DPP10: variants seen among roughly 807,000 people sequenced by gnomAD.
The protein encoded by DPP10 is inactive dipeptidyl peptidase 10.
DPP10 carries 33 observed loss-of-function variants against 120.9 expected under a neutral mutation model. The ratio of observed to expected loss-of-function variants is 0.27; its 90% CI spans 0.21 to 0.37. The LOEUF (loss-of-function observed/expected upper bound fraction) is 0.37. Ranked by LOEUF, DPP10 falls within the 10% of genes least tolerant of loss-of-function variation. The pLI, the probability that DPP10 is intolerant of heterozygous loss-of-function variation, is 1.00. For synonymous variants in DPP10, 337 were observed against 326.1 expected, an observed-to-expected ratio of 1.03 and a Z score of -0.36; for missense variants, 816 against 942.8, an observed-to-expected ratio of 0.87 and a Z score of 1.76.
rs183196400 is a variant in DPP10, at chr2:115,059,614, G to A, written c.61-249625G>A. 3.9e-3 allele frequency among the ~76,000 whole-genome samples: 544 copies of A among 140,066 alleles called. 5 individuals carry two copies. Among genetic ancestry groups the A allele is most frequent in the African/African-American group, 0.014 (522 of 37,138 alleles). 91.9% of individuals were successfully genotyped at this position (140,066 alleles called of 152,430 possible). A position where few individuals can be genotyped will look rare whatever the true frequency, so the allele number is the denominator to read the frequency against. On this transcript the variant is annotated intron_variant, in intron 1 of 25. Transcript: ENST00000410059. ...TTCAGAATTAACCTCAGTTTTTATT[G>A]AGAAAACCAGAATAGATTCTATTTC... is the stretch of plus-strand genomic sequence containing the variant.
chr2:115,832,609 A>T (rs1689045576), intron 21 of DPP10, among the ~76,000 whole-genome samples: 1 of 152,232 alleles, frequency 6.6e-6, no homozygotes, highest in Non-Finnish European at 1.5e-5. Flanking sequence ...AGCTTTTATT[A>T]TCATAAAGAC....
chr2:115,552,622 T>C (rs2079944377), intron 5 of DPP10, among the ~76,000 whole-genome samples: 1 of 152,134 alleles, frequency 6.6e-6, no homozygotes, highest in African/African-American at 2.4e-5. Context: ...TAGGATGTGA[T>C]AAAACAGGGG....
chr2:115,443,211 C>T (rs780408517), intron 3 of DPP10, among the ~76,000 whole-genome samples: 6 of 152,110 alleles, frequency 3.9e-5, no homozygotes, highest in Admixed American at 2.0e-4. Flanking sequence ...AAGCTTACCA[C>T]GATTTGAGCA....
At chr2:115,184,509 G>T (rs7572788) in intron 1 of DPP10, among the ~76,000 whole-genome samples, 58,809 of 152,052 alleles carry the variant, frequency 0.39, 12,423 homozygotes, top group Non-Finnish European at 0.48. Context: ...AGTCACATTC[G>T]CTTTGAAGGC....
At chr2:114,562,522 C>A (rs141780728) in intron 1 of DPP10, among the ~76,000 whole-genome samples, 3 of 152,124 alleles carry the variant, frequency 2.0e-5, no homozygotes, top group Admixed American at 2.0e-4. Flanking sequence ...AAAGTAGATG[C>A]AATTCAAGTA....
At chr2:115,134,229 T>C (rs2050530813) in intron 1 of DPP10, among the ~76,000 whole-genome samples, 1 of 152,190 alleles carries the variant, frequency 6.6e-6, no homozygotes, top group Non-Finnish European at 1.5e-5. Flanking sequence ...GAAGAAACAA[T>C]TGATTCACTC....
At chr2:114,460,169 A>ATATCTATC (rs10686701) in intron 1 of DPP10, among the ~76,000 whole-genome samples, 482 of 148,512 alleles carry the variant, frequency 3.2e-3, no homozygotes, top group Middle Eastern at 6.9e-3. Context: ...ATTTGGGATG[A>ATATCTATC]TATCTATCTA....
At chr2:115,808,115 C>T (rs1053511334) in intron 19 of DPP10, among the ~76,000 whole-genome samples, 1 of 152,256 alleles carries the variant, frequency 6.6e-6, no homozygotes, top group African/African-American at 2.4e-5. Flanking sequence ...GTGCCAGACA[C>T]GTGTTCGAGA....
At chr2:115,625,572 A>G (rs1351240232) in intron 5 of DPP10, among the ~76,000 whole-genome samples, 1 of 152,160 alleles carries the variant, frequency 6.6e-6, no homozygotes, top group Non-Finnish European at 1.5e-5. Context: ...GGATTAAGAC[A>G]TTAAGAATAG....
At chr2:115,400,645 G>C (rs1361726390) in intron 3 of DPP10, among the ~76,000 whole-genome samples, 1 of 152,134 alleles carries the variant, frequency 6.6e-6, no homozygotes, top group Non-Finnish European at 1.5e-5. Context: ...TTGAACCCTA[G>C]TAACTCAGGG....
chr2:114,913,225 C>T (rs1384444428), intron 1 of DPP10, among the ~76,000 whole-genome samples: 2 of 152,194 alleles, frequency 1.3e-5, no homozygotes, highest in Admixed American at 6.5e-5. Flanking sequence ...CATGCACAGC[C>T]TTCCCCCATC....
Position 114,469,314 on chromosome 2 carries a change from T to C in DPP10, c.60+26476T>C, listed in dbSNP as rs1252794516. ...AAATGTTGAGAATACTAAGTACTTA[T>C]TAAACAAGAGAGGATTTGTTCTCAA... On this transcript the variant is annotated intron_variant, in intron 1 of 25. Transcript: ENST00000410059. Among the ~76,000 whole-genome samples the C allele has an allele frequency of 3.9e-5, 6 of 152,254 alleles. No homozygotes were observed. The South Asian group carries it at 8.3e-4, about 21-fold the overall frequency.
chr2:115,353,902 G>A (rs1246997307), intron 3 of DPP10, among the ~76,000 whole-genome samples: 3 of 151,974 alleles, frequency 2.0e-5, no homozygotes, highest in Non-Finnish European at 2.9e-5. Context: ...ATTTGACAGT[G>A]TTTATAAATT....
chr2:114,977,210 T>A (rs78485412), intron 1 of DPP10, among the ~76,000 whole-genome samples: 8,573 of 152,242 alleles, frequency 0.056, 298 homozygotes, highest in East Asian at 0.12. Flanking sequence ...TTGTTTTATA[T>A]TTTGTGTGTT....
At chr2:115,086,026 A>G (rs1313613910) in intron 1 of DPP10, among the ~76,000 whole-genome samples, 1 of 152,202 alleles carries the variant, frequency 6.6e-6, no homozygotes, top group Non-Finnish European at 1.5e-5. Flanking sequence ...AAGAAAATCA[A>G]AATATTTCAC....
At chr2:115,763,183 A>C (rs751107838) in intron 12 of DPP10, among the ~76,000 whole-genome samples, 3 of 152,148 alleles carry the variant, frequency 2.0e-5, no homozygotes, top group African/African-American at 7.2e-5. Flanking sequence ...TCTTAACTAC[A>C]TTAGTGAGTT....
At chr2:114,443,246 T>C (rs1177227551) in intron 1 of DPP10, among the ~76,000 whole-genome samples, 1 of 152,180 alleles carries the variant, frequency 6.6e-6, no homozygotes, top group South Asian at 2.1e-4. Flanking sequence ...ATTTTGGATC[T>C]CTTATCCTTT....
chr2:115,719,588 T>C (rs1294088539), intron 7 of DPP10, among the ~76,000 whole-genome samples: 2 of 152,214 alleles, frequency 1.3e-5, no homozygotes, highest in Non-Finnish European at 1.5e-5. Context: ...TTGCTTTGCA[T>C]TATATAACTG....
At chr2:115,767,933 A>G (rs1680991617) in intron 12 of DPP10, among the ~76,000 whole-genome samples, 1 of 152,140 alleles carries the variant, frequency 6.6e-6, no homozygotes, top group African/African-American at 2.4e-5. Flanking sequence ...ACTGATGCAG[A>G]TGTTTGCATG....
Sources: gnomAD v4.1 joint callset for allele counts (sites outside exome capture counted in the v4.1 genomes callset) on GRCh38, gnomAD v4.1.1 for gene constraint, MANE v1.5 for transcripts, NCBI Gene and HGNC (gene_info 2026-07-23, HGNC 2026-07-21) for gene names.